The following BMPR1A variants were observed in gnomAD, a reference collection of about 807,000 sequenced individuals.
BMPR1A encodes bone morphogenetic protein receptor type-1A.
A neutral mutation model predicts 66.0 loss-of-function variants in BMPR1A; 7 were observed. The observed-to-expected ratio is 0.11, with a 90% confidence interval of 0.06 to 0.20. The LOEUF (loss-of-function observed/expected upper bound fraction) is 0.20, where lower values mean the gene tolerates loss of function less well. BMPR1A is among the 10% of genes least tolerant of loss of function. The pLI, the probability that BMPR1A is intolerant of heterozygous loss-of-function variation, is 1.00. For synonymous variants in BMPR1A, 200 were observed against 229.7 expected, an observed-to-expected ratio of 0.87 and a Z score of 1.17; for missense variants, 408 against 669.1, an observed-to-expected ratio of 0.61 and a Z score of 4.31.
Position 86,882,735 on chromosome 10 carries a change from C to T in BMPR1A, c.67+6650C>T, listed in dbSNP as rs546544273. On this transcript the variant is annotated intron_variant, in intron 3 of 12. Transcript: ENST00000372037. ...ATCCCAGCACATTGGGAGGCTGAGACGGGCGGATCACCTGAGGTCAGGAGT... is the reference window on the plus strand; with the variant it reads ...ATCCCAGCACATTGGGAGGCTGAGATGGGCGGATCACCTGAGGTCAGGAGT... Among the ~76,000 whole-genome samples, 7 of 151,038 alleles carry T rather than the reference C, an allele frequency of 4.6e-5. No individual in the cohort carries two copies. The East Asian group carries it at 1.2e-3, about 25-fold the overall frequency.
At chr10:86,845,647 C>T (rs1842473440) in intron 2 of BMPR1A, among the ~76,000 whole-genome samples, 3 of 152,070 alleles carry the variant, frequency 2.0e-5, no homozygotes, top group Admixed American at 6.6e-5. Flanking sequence ...CTCCCTCATG[C>T]CCCATTAGAT....
chr10:86,758,359 G>T, intron 1 of BMPR1A, among the ~76,000 whole-genome samples: 1 of 137,126 alleles, frequency 7.3e-6, no homozygotes, highest in African/African-American at 2.8e-5. Flanking sequence ...TTCCGTCAAA[G>T]AGGGAGAATT....
intron 1 of BMPR1A, among the ~76,000 whole-genome samples, chr10:86,832,053 C>A (rs1842275228): frequency 6.6e-6 from 1 of 152,060 alleles, no homozygotes; most frequent in Admixed American, 6.6e-5. Flanking sequence ...TTACTAGAAT[C>A]CTGTGGAACG....
At chr10:86,853,019 T>G (rs2133192030) in intron 2 of BMPR1A, among the ~76,000 whole-genome samples, 1 of 152,126 alleles carries the variant, frequency 6.6e-6, no homozygotes, top group Middle Eastern at 3.4e-3. Context: ...GAAAGATTGA[T>G]CAAGAAAAAA....
At chr10:86,805,366 A>T (rs57770855) in intron 1 of BMPR1A, among the ~76,000 whole-genome samples, 6,227 of 138,390 alleles carry the variant, frequency 0.045, 160 homozygotes, top group South Asian at 0.11. Context: ...CTGTCTCTTC[A>T]CTCCTACCTG....
chr10:86,783,527 G>A (rs1841468426), intron 1 of BMPR1A, among the ~76,000 whole-genome samples: 1 of 152,138 alleles, frequency 6.6e-6, no homozygotes, highest in Non-Finnish European at 1.5e-5. Flanking sequence ...TCAGTTTTTT[G>A]TCATTTTTAG....
intron 1 of BMPR1A, among the ~76,000 whole-genome samples, chr10:86,809,769 A>C (rs1371056071): frequency 6.6e-6 from 1 of 151,772 alleles, no homozygotes; most frequent in Non-Finnish European, 1.5e-5. Context: ...TACCCATTAA[A>C]CAATAACTCT....
intron 1 of BMPR1A, among the ~76,000 whole-genome samples, chr10:86,826,411 A>AACAC (rs34389289): frequency 0.055 from 8,120 of 147,024 alleles, 608 homozygotes; most frequent in African/African-American, 0.17. Flanking sequence ...CAATCAAGGA[A>AACAC]ACACACACAC....
chr10:86,860,121 G>T (rs1190110795), intron 2 of BMPR1A, among the ~76,000 whole-genome samples: 1 of 152,098 alleles, frequency 6.6e-6, no homozygotes, highest in African/African-American at 2.4e-5. Context: ...CTGCACTCCA[G>T]CCTGGACCAG....
intron 1 of BMPR1A, among the ~76,000 whole-genome samples, chr10:86,794,719 AT>A (rs1382794321): frequency 2.0e-5 from 3 of 151,976 alleles, no homozygotes; most frequent in East Asian, 1.9e-4. Context: ...TATTTCCTTT[AT>A]TAAATTATGG....
chr10:86,852,884 C>G (rs766173183), intron 2 of BMPR1A, among the ~76,000 whole-genome samples: 57 of 152,116 alleles, frequency 3.7e-4, no homozygotes, highest in Non-Finnish European at 2.5e-4. Context: ...GAAACTTATC[C>G]AAGCCTCTAG....
In BMPR1A at chr10:86,760,285, G is replaced by T. The variant is rs1423088986; in HGVS notation, c.-268+3366G>T. Among the ~76,000 whole-genome samples the T allele has an allele frequency of 4.5e-5, 5 of 110,228 alleles. No homozygotes were observed. In the Admixed American group the frequency reaches 6.9e-4, roughly 15 times the overall value. The allele number at this position is 110,228 out of a possible 152,430, so 72.3% of individuals were successfully genotyped here. A position where few individuals can be genotyped will look rare whatever the true frequency, so the allele number is the denominator to read the frequency against. On this transcript the variant is annotated intron_variant, in intron 1 of 12. Coordinates refer to ENST00000372037, the MANE Select transcript of BMPR1A (RefSeq NM_004329.3). Reference sequence around the variant, plus strand: ...TTTTTTTTTTTTGATACAGAGTCTCGCACTGTCGCCTGGGCTGGAGTGCAA... The same window carrying T: ...TTTTTTTTTTTTGATACAGAGTCTCTCACTGTCGCCTGGGCTGGAGTGCAA...
chr10:86,766,192 A>G (rs1310605325), intron 1 of BMPR1A, among the ~76,000 whole-genome samples: 8 of 152,012 alleles, frequency 5.3e-5, no homozygotes, highest in Non-Finnish European at 1.2e-4. Flanking sequence ...GGATCTCACC[A>G]TGATGCCTAG....
intron 11 of BMPR1A, 106 bp downstream of exon 11, chr10:86,921,801 A>T (rs190231973): frequency 7.2e-7 from 1 of 1,379,356 alleles, no homozygotes; most frequent in Admixed American, 1.9e-5. Context: ...GGCACATAGT[A>T]GGTGTATATA....
At chr10:86,854,671 G>A in intron 2 of BMPR1A, 1 of 208,568 alleles carries the variant, frequency 4.8e-6, no homozygotes, top group Non-Finnish European at 1.1e-5. Context: ...ACCTGGAAAA[G>A]CTCATTGTCT....
chr10:86,904,464 A>G (rs1205736627), intron 7 of BMPR1A, among the ~76,000 whole-genome samples: 2 of 152,212 alleles, frequency 1.3e-5, no homozygotes, highest in Non-Finnish European at 2.9e-5. Flanking sequence ...GTGCCCAAAG[A>G]AAAACATCAC....
At position 86,885,119 on chromosome 10, in the gene BMPR1A, T is replaced by G. The variant is rs534503503; in HGVS notation, c.68-4943T>G. Among the ~76,000 whole-genome samples, 17 of 152,326 alleles carry G rather than the reference T, an allele frequency of 1.1e-4. No homozygotes were observed. The South Asian group carries it at 3.5e-3, about 32-fold the overall frequency. On this transcript the variant is annotated intron_variant, in intron 3 of 12. Coordinates refer to ENST00000372037, the MANE Select transcript of BMPR1A (RefSeq NM_004329.3). ...ACAGAACTTTGTTTGGTGATGGAAA[T>G]TTCTATATCAGTAATTTGCAAACTA...
chr10:86,860,574 A>G (rs933535153), intron 2 of BMPR1A, among the ~76,000 whole-genome samples: 4 of 152,046 alleles, frequency 2.6e-5, no homozygotes, highest in Admixed American at 2.6e-4. Flanking sequence ...GTTCGAGACC[A>G]TCCTAGCCAA....
At chr10:86,870,584 A>T (rs1052046556) in intron 2 of BMPR1A, among the ~76,000 whole-genome samples, 9 of 151,956 alleles carry the variant, frequency 5.9e-5, no homozygotes, top group African/African-American at 9.7e-5. Flanking sequence ...CACCATGCCC[A>T]GCTAATTTTT....
Sources: allele counts gnomAD v4.1 joint callset (sites outside exome capture counted in the v4.1 genomes callset), GRCh38; gene constraint gnomAD v4.1.1; transcripts MANE v1.5; gene names NCBI Gene and HGNC (gene_info 2026-07-23, HGNC 2026-07-21).